Variants in CCSER1 observed in about 807,000 individuals in gnomAD.
CCSER1 encodes the protein serine-rich coiled-coil domain-containing protein 1.
A neutral mutation model predicts 82.0 loss-of-function variants in CCSER1; 41 were observed. That is an observed-to-expected ratio of 0.50 (90% CI 0.39 to 0.65). The LOEUF is 0.65. CCSER1 is among the 30% of genes least tolerant of loss of function. The pLI is 0.00. For missense variants in CCSER1, 1,119 were observed against 1,064.2 expected (o/e 1.05, Z -0.72); for synonymous variants, 414 against 383.9 (o/e 1.08, Z -0.92).
chr4:90,952,020 G>T (rs1732971104), intron 9 of CCSER1, among the ~76,000 whole-genome samples: 1 of 151,824 alleles, frequency 6.6e-6, no homozygotes, highest in Non-Finnish European at 1.5e-5. Context: ...GTCAATTTGG[G>T]GTGGAATATT....
intron 10 of CCSER1, among the ~76,000 whole-genome samples, chr4:91,091,696 CGGGCTTTATGTGGCTGT>C (rs1213355944): frequency 6.6e-6 from 1 of 152,150 alleles, no homozygotes; most frequent in African/African-American, 2.4e-5. Context: ...CCAGTGGCTG[CGGGCTTTATGTGGCTGT>C]GGTGAATCCA....
At chr4:91,061,780 TG>T in intron 9 of CCSER1, among the ~76,000 whole-genome samples, 1 of 151,690 alleles carries the variant, frequency 6.6e-6, no homozygotes, top group East Asian at 1.9e-4. Context: ...TTTTCACCTG[TG>T]GTAGGGTAGA....
At chr4:90,659,973 T>C (rs1253340056) in intron 6 of CCSER1, among the ~76,000 whole-genome samples, 1 of 151,896 alleles carries the variant, frequency 6.6e-6, no homozygotes, top group African/African-American at 2.4e-5. Context: ...GGTTTTTTGT[T>C]GTTGTTGAGT....
rs552991738 is a variant in CCSER1 at position 91,432,174 on chromosome 4, T to C, written c.2218-166398T>C. ...CTTGCTTCTTCTTTGCCTTCCTCTG[T>C]GATTGTAAGTTTCCTGAGGCCTCCC... is the stretch of plus-strand genomic sequence containing the variant. On this transcript the variant is annotated intron_variant, in intron 10 of 10. Coordinates refer to ENST00000509176, the MANE Select transcript of CCSER1 (RefSeq NM_001145065.2). Among the ~76,000 whole-genome samples, 4 of 152,274 alleles carry C rather than the reference T, an allele frequency of 2.6e-5. No homozygotes were observed. The South Asian group carries it at 8.3e-4, about 32-fold the overall frequency.
At chr4:90,831,767 A>G (rs1761138223) in intron 8 of CCSER1, among the ~76,000 whole-genome samples, 1 of 152,166 alleles carries the variant, frequency 6.6e-6, no homozygotes, top group Admixed American at 6.5e-5. Context: ...ATATTAGGTA[A>G]AATTTAGTTT....
At chr4:90,769,784 G>A (rs1751800090) in intron 7 of CCSER1, among the ~76,000 whole-genome samples, 1 of 152,148 alleles carries the variant, frequency 6.6e-6, no homozygotes, top group Non-Finnish European at 1.5e-5. Context: ...TACTACAGTA[G>A]TATCAAACTT....
chr4:91,250,041 T>C (rs1027365016), intron 10 of CCSER1, among the ~76,000 whole-genome samples: 91 of 152,228 alleles, frequency 6.0e-4, no homozygotes, highest in African/African-American at 2.1e-3. Flanking sequence ...TCATGACATG[T>C]AATTTTCTTT....
intron 10 of CCSER1, among the ~76,000 whole-genome samples, chr4:91,141,966 A>T: frequency 6.6e-6 from 1 of 151,678 alleles, no homozygotes; most frequent in African/African-American, 2.4e-5. Flanking sequence ...CTTGTTTTTT[A>T]TTTGTTGATT....
rs569273804 is a variant in CCSER1 at position 90,434,103 on chromosome 4, TTTTA to T, written c.1603+33978_1603+33981del. ...CTCTTTGTCAGTTTTCTCTTTTGAA[TTTTA>T]TTTGTCTTTTATATCTGTCATATTG... On this transcript the variant is annotated intron_variant, in intron 4 of 10. Transcript: ENST00000509176. Among the ~76,000 whole-genome samples, 436 of 152,252 alleles carry T rather than the reference TTTTA, an allele frequency of 2.9e-3. 2 individuals are homozygous for T. The highest frequency in any genetic ancestry group is 4.6e-3 in the Admixed American group (70 of 15,284).
At chr4:91,554,929 T>C (rs947357184) in intron 10 of CCSER1, among the ~76,000 whole-genome samples, 4 of 151,158 alleles carry the variant, frequency 2.6e-5, no homozygotes, top group African/African-American at 9.7e-5. Context: ...GAACATACAA[T>C]AGGGAAAAAG....
chr4:90,211,761 T>C (rs1257918407), intron 1 of CCSER1, among the ~76,000 whole-genome samples: 6 of 152,220 alleles, frequency 3.9e-5, no homozygotes, highest in African/African-American at 9.7e-5. Context: ...TTTAGGAAGT[T>C]TACTGATGAA....
At chr4:90,930,973 T>G (rs1385529204) in intron 9 of CCSER1, among the ~76,000 whole-genome samples, 1 of 146,500 alleles carries the variant, frequency 6.8e-6, no homozygotes, top group African/African-American at 2.5e-5. Context: ...ATGATACATA[T>G]ATGTACATAT....
At chr4:90,349,166 A>C (rs1443137521) in intron 3 of CCSER1, among the ~76,000 whole-genome samples, 8 of 152,148 alleles carry the variant, frequency 5.3e-5, no homozygotes, top group Non-Finnish European at 1.2e-4. Flanking sequence ...GAAGTAAACA[A>C]GTATATTGAC....
intron 1 of CCSER1, among the ~76,000 whole-genome samples, chr4:90,186,440 C>A (rs1156688027): frequency 6.6e-6 from 1 of 151,958 alleles, no homozygotes; most frequent in African/African-American, 2.4e-5. Flanking sequence ...GATTCATTTT[C>A]ATCTACATCA....
chr4:91,592,359 C>T (rs767103935), intron 10 of CCSER1, among the ~76,000 whole-genome samples: 11 of 152,022 alleles, frequency 7.2e-5, no homozygotes, highest in Admixed American at 5.2e-4. Context: ...GTGGGGATTA[C>T]GGGAACTACA....
chr4:90,304,775 G>A lies in CCSER1; in HGVS notation c.-41-3469G>A, dbSNP rs182985941. Among the ~76,000 whole-genome samples the A allele has an allele frequency of 2.0e-5, 3 of 151,926 alleles. No individual in the cohort carries two copies. In the East Asian group the frequency reaches 5.8e-4, roughly 29 times the overall value. ...TAACTAACCTGCACATTGCGCACAT[G>A]TACCCTAAAACTTAAAGTATAATAA... On this transcript the variant is annotated intron_variant, in intron 1 of 10. Coordinates refer to ENST00000509176, the MANE Select transcript of CCSER1 (RefSeq NM_001145065.2).
intron 1 of CCSER1, among the ~76,000 whole-genome samples, chr4:90,291,194 A>G (rs996786473): frequency 6.6e-6 from 1 of 152,202 alleles, no homozygotes. Flanking sequence ...TGATTGGATT[A>G]GATTTAATTC....
chr4:90,815,874 G>A (rs1299805717), intron 8 of CCSER1, 29 bp downstream of exon 8: 1 of 1,462,380 alleles, frequency 6.8e-7, no homozygotes, highest in Non-Finnish European at 9.4e-7. Context: ...TGGCCCACGA[G>A]TGTACTTTAC....
At chr4:90,605,189 A>T (rs1395484357) in intron 5 of CCSER1, among the ~76,000 whole-genome samples, 1 of 152,170 alleles carries the variant, frequency 6.6e-6, no homozygotes, top group Non-Finnish European at 1.5e-5. Context: ...GGAACATTAG[A>T]AGTAACAAAC....
Sources: gnomAD v4.1 joint callset for allele counts (sites outside exome capture counted in the v4.1 genomes callset) on GRCh38, gnomAD v4.1.1 for gene constraint, MANE v1.5 for transcripts, NCBI Gene and HGNC (gene_info 2026-07-23, HGNC 2026-07-21) for gene names.